The following KIAA0319L variants were observed in gnomAD, a reference collection of about 807,000 sequenced individuals.
KIAA0319L encodes dyslexia-associated protein KIAA0319-like protein.
A neutral mutation model predicts 120.1 loss-of-function variants in KIAA0319L; 55 were observed. The ratio of observed to expected loss-of-function variants is 0.46; its 90% CI spans 0.37 to 0.57. The LOEUF is 0.57. Among genes scored for constraint, KIAA0319L ranks in the 20% least tolerant of loss-of-function variants. The pLI, the probability that KIAA0319L is intolerant of heterozygous loss-of-function variation, is 0.00. For synonymous variants in KIAA0319L, 398 were observed against 471.9 expected, an observed-to-expected ratio of 0.84 and a Z score of 2.03; for missense variants, 1,049 against 1,255.3, an observed-to-expected ratio of 0.84 and a Z score of 2.48.
At chr1:35,470,840 C>A in intron 6 of KIAA0319L, 23 bp downstream of exon 6, 1 of 1,442,404 alleles carries the variant, frequency 6.9e-7, no homozygotes, top group Non-Finnish European at 9.8e-7. Context: ...CTTTGCCCTG[C>A]AAGTGAAAGG....
At position 35,453,541 on chromosome 1, in the gene KIAA0319L, T is replaced by A. The variant is rs1482837426; in HGVS notation, c.1913+16A>T. On this transcript the variant is annotated intron_variant, in intron 12 of 20. Coordinates refer to ENST00000325722, the MANE Select transcript of KIAA0319L (RefSeq NM_024874.5). This position sits in a 1 kb window ranked among gnomAD's most constrained non-coding sequence, Gnocchi z 4.1. Reference sequence around the variant, plus strand: ...TGGAGGCTTTGCAAAAATAAGGATTTTGTGTCAATACTCACTGTGTTTTTT... The same window carrying A: ...TGGAGGCTTTGCAAAAATAAGGATTATGTGTCAATACTCACTGTGTTTTTT... 6.2e-7 allele frequency: 1 copy of A among 1,613,492 alleles called. No homozygotes were observed. The highest frequency in any genetic ancestry group is 1.7e-5 in the Admixed American group (1 of 59,978).
chr1:35,552,738 G>A (rs1355676634), intron 2 of KIAA0319L, among the ~76,000 whole-genome samples: 1 of 152,000 alleles, frequency 6.6e-6, no homozygotes, highest in Admixed American at 6.6e-5. Context: ...AGACCAACCT[G>A]GGCAAAACAG....
intron 5 of KIAA0319L, among the ~76,000 whole-genome samples, chr1:35,474,198 G>T (rs982882678): frequency 8.5e-5 from 13 of 152,104 alleles, no homozygotes; most frequent in African/African-American, 3.1e-4. Context: ...AATATGAGAG[G>T]TACTATATAA....
intron 15 of KIAA0319L, among the ~76,000 whole-genome samples, chr1:35,449,410 A>T (rs1641878556): frequency 6.6e-6 from 1 of 152,236 alleles, no homozygotes; most frequent in South Asian, 2.1e-4. Context: ...CCTTCCCTGG[A>T]TTATCAGACA....
chr1:35,545,129 C>G (rs1054104189), intron 2 of KIAA0319L, among the ~76,000 whole-genome samples: 10 of 152,136 alleles, frequency 6.6e-5, no homozygotes. Flanking sequence ...ACTACAAAGG[C>G]ATGCGGCAAG....
chr1:35,496,738 G>T (rs927001349), intron 3 of KIAA0319L, among the ~76,000 whole-genome samples: 1 of 152,126 alleles, frequency 6.6e-6, no homozygotes, highest in Admixed American at 6.5e-5. Flanking sequence ...GAGGTCAGGA[G>T]TTTGAGACCA....
At chr1:35,435,321 G>A (rs1640697817) in intron 20 of KIAA0319L, 1 of 450,588 alleles carries the variant, frequency 2.2e-6, no homozygotes, top group Non-Finnish European at 3.9e-6. Context: ...TCTCCTGCTG[G>A]TTCTTCATCT....
At chr1:35,445,768 A>G (rs1450077748) in intron 16 of KIAA0319L, among the ~76,000 whole-genome samples, 6 of 152,152 alleles carry the variant, frequency 3.9e-5, no homozygotes, top group African/African-American at 1.4e-4. Flanking sequence ...GTAAAATACT[A>G]TTTTCTTCCA....
In KIAA0319L at chr1:35,453,934, T is replaced by G. The variant is rs1164795212; in HGVS notation, c.1781-245A>C. Among the ~76,000 whole-genome samples, 1 of 152,178 alleles carries G rather than the reference T, an allele frequency of 6.6e-6. No homozygotes were observed. Among genetic ancestry groups the G allele is most frequent in the Non-Finnish European group, 1.5e-5 (1 of 68,034 alleles). On this transcript the variant is annotated intron_variant, in intron 11 of 20. Coordinates refer to ENST00000325722, the MANE Select transcript of KIAA0319L (RefSeq NM_024874.5). The surrounding 1 kb of genome is among the most constrained non-coding windows in gnomAD (Gnocchi z 4.1). The stretch of plus-strand genomic sequence containing the variant: ...TTATAATGCCATACTAAACTTGAAC[T>G]CTAATGCTAAGGGAGTTCAAATGAA...
At position 35,554,457 on chromosome 1, in the gene KIAA0319L, G is replaced by C. The variant is rs1228408337; in HGVS notation, c.35C>G (p.Ala12Gly). Residue 12 changes from alanine (A) to glycine (G), a missense_variant, in exon 2 of 21, where the codon GCT (alanine) becomes GGT (glycine). Physicochemically the swap from Ala to Gly is moderately conservative, Grantham distance 60. Transcript: ENST00000325722. ...EKRLGVKPNP[A>G]SWILSGYYWQ... ...ATAATATCCTGATAAAATCCAGGAA[G>C]CAGGATTTGGCTTGACTCCCAGCCT... is the stretch of plus-strand genomic sequence containing the variant. The C allele has an allele frequency of 4.3e-6, 7 of 1,613,084 alleles. No homozygotes were observed. The highest frequency in any genetic ancestry group is 4.2e-6 in the Non-Finnish European group (5 of 1,179,682).
At chr1:35,486,830 G>A (rs1644407047) in intron 3 of KIAA0319L, among the ~76,000 whole-genome samples, 1 of 151,822 alleles carries the variant, frequency 6.6e-6, no homozygotes, top group African/African-American at 2.4e-5. Context: ...AGGATCGCTT[G>A]AGCCCACGAG....
intron 2 of KIAA0319L, among the ~76,000 whole-genome samples, chr1:35,509,379 T>C (rs1459479689): frequency 1.3e-5 from 2 of 152,228 alleles, no homozygotes; most frequent in Admixed American, 6.5e-5. Context: ...ATGTGTGGGA[T>C]ACAGTTAAAG....
chr1:35,477,016 T>A (rs1413616585), intron 4 of KIAA0319L, among the ~76,000 whole-genome samples: 1 of 151,902 alleles, frequency 6.6e-6, no homozygotes, highest in African/African-American at 2.4e-5. Context: ...GACACTGGTC[T>A]GAGCAAAAAA....
chr1:35,557,524 A>AGAGGGGCC (rs1648303270), upstream of KIAA0319L: 1 of 369,532 alleles, frequency 2.7e-6, no homozygotes, highest in African/African-American at 2.1e-5. Flanking sequence ...GAGGAGGGGC[A>AGAGGGGCC]GTGCTGGGCG....
chr1:35,468,175 G>A (rs189125417), intron 6 of KIAA0319L, among the ~76,000 whole-genome samples: 28 of 150,928 alleles, frequency 1.9e-4, no homozygotes, highest in Admixed American at 1.1e-3. Flanking sequence ...TTCTTTTGAA[G>A]TATTTTCTTT....
At chr1:35,473,752 T>G (rs1270248975) in intron 5 of KIAA0319L, among the ~76,000 whole-genome samples, 1 of 152,220 alleles carries the variant, frequency 6.6e-6, no homozygotes, top group Non-Finnish European at 1.5e-5. Context: ...TATTTGGTAT[T>G]AGGCCTAGAA....
intron 2 of KIAA0319L, among the ~76,000 whole-genome samples, chr1:35,551,611 G>A (rs1284255097): frequency 2.0e-5 from 3 of 152,014 alleles, no homozygotes; most frequent in South Asian, 2.1e-4. Context: ...GAGCCACCGC[G>A]CCCAGCCCTA....
At chr1:35,468,497 A>G (rs1004611289) in intron 6 of KIAA0319L, among the ~76,000 whole-genome samples, 1 of 152,190 alleles carries the variant, frequency 6.6e-6, no homozygotes, top group African/African-American at 2.4e-5. Flanking sequence ...AGCTACTAAC[A>G]GGACAACTCA....
intron 3 of KIAA0319L, among the ~76,000 whole-genome samples, chr1:35,501,615 G>A (rs1238563988): frequency 3.3e-5 from 5 of 152,124 alleles, no homozygotes; most frequent in African/African-American, 7.2e-5. Flanking sequence ...GGTGGCTCAC[G>A]CCTGTAATAC....
Sources: allele counts gnomAD v4.1 joint callset (sites outside exome capture counted in the v4.1 genomes callset), GRCh38; gene constraint gnomAD v4.1.1; non-coding constraint Gnocchi (gnomAD v3.1); transcripts MANE v1.5; gene names NCBI Gene and HGNC (gene_info 2026-07-23, HGNC 2026-07-21).